Variants in UBE2J1 observed in about 807,000 individuals in gnomAD.
UBE2J1 encodes the protein ubiquitin conjugating enzyme E2 J1.
UBE2J1 carries 17 observed loss-of-function variants against 42.1 expected under a neutral mutation model. The ratio of observed to expected loss-of-function variants is 0.40; its 90% confidence interval spans 0.28 to 0.61. UBE2J1 has a LOEUF of 0.61. Among genes scored for constraint, UBE2J1 ranks in the 20% least tolerant of loss-of-function variants. The probability of loss-of-function intolerance (pLI) is 0.38; values close to 1 mark genes in which losing one functional copy is unlikely to be tolerated. For synonymous variants in UBE2J1, 127 were observed against 137.2 expected (o/e 0.93, Z 0.52); for missense variants, 291 against 389.4 (o/e 0.75, Z 2.13).
At position 89,333,086 on chromosome 6, in the gene UBE2J1, C is replaced by A; in HGVS notation, c.678G>T (p.Ser226=). Residue 226 remains serine (S), a splice_region_variant and synonymous_variant, in exon 7 of 8, where the codon TCG becomes TCT. Transcript: ENST00000435041. The part of the protein sequence containing the change: ...TTFQGATAST[S]YGLQNSSAAS... ...ATATATTAAAAGATAAGAGCCATAC[C>A]GATGTACTGGCCGTAGCACCCTGGA... is the stretch of plus-strand genomic sequence containing the variant. 2.5e-6 allele frequency: 4 copies of A among 1,605,828 alleles called. No homozygotes were observed. Among genetic ancestry groups the A allele is most frequent in the Non-Finnish European group, 3.4e-6 (4 of 1,176,354 alleles).
At chr6:89,349,442 T>C (rs2127874375) in intron 1 of UBE2J1, among the ~76,000 whole-genome samples, 1 of 152,252 alleles carries the variant, frequency 6.6e-6, no homozygotes, top group East Asian at 1.9e-4. Flanking sequence ...ATTAGATATA[T>C]GTGTTTCTGT....
intron 7 of UBE2J1, among the ~76,000 whole-genome samples, chr6:89,332,062 A>C (rs1562410852): frequency 1.3e-5 from 2 of 151,904 alleles, no homozygotes; most frequent in Admixed American, 1.3e-4. Context: ...TGCCCAGCTC[A>C]CTCTCTGAAT....
chr6:89,351,156 A>T (rs1446176094), intron 1 of UBE2J1, among the ~76,000 whole-genome samples: 1 of 126,006 alleles, frequency 7.9e-6, no homozygotes, highest in Non-Finnish European at 1.5e-5. Context: ...ATCTCGGCTC[A>T]CTGCAACCTC....
At chr6:89,344,354 C>A (rs964760197) in intron 1 of UBE2J1, among the ~76,000 whole-genome samples, 1 of 152,212 alleles carries the variant, frequency 6.6e-6, no homozygotes, top group Non-Finnish European at 1.5e-5. Flanking sequence ...AATTCACTGA[C>A]TCTCCAAAGC....
chr6:89,333,345 G>GAGC, intron 6 of UBE2J1, 140 bp from the exon 7 acceptor site: 2 of 928,206 alleles, frequency 2.2e-6, no homozygotes, highest in Non-Finnish European at 3.1e-6. Context: ...GTTAATCACT[G>GAGC]AGCACTCTTG....
chr6:89,342,528 A>G, intron 2 of UBE2J1, 73 bp from the exon 3 acceptor site: 1 of 1,402,944 alleles, frequency 7.1e-7, no homozygotes. Flanking sequence ...AATATTAGAA[A>G]TATTACCAAG....
At chr6:89,336,909 T>C (rs1205845082) in intron 5 of UBE2J1, among the ~76,000 whole-genome samples, 1 of 151,908 alleles carries the variant, frequency 6.6e-6, no homozygotes, top group East Asian at 1.9e-4. Context: ...GGCACAATCA[T>C]GGCTCACTGC....
intron 3 of UBE2J1, 110 bp from the exon 4 acceptor site, chr6:89,338,653 G>GTTTTTTTTTT (rs1486254673): frequency 9.1e-5 from 11 of 120,570 alleles, no homozygotes; most frequent in East Asian, 8.4e-4. Flanking sequence ...ATCTTAAAAA[G>GTTTTTTTTTT]TTTGTTTTTT....
rs1296020992 is a variant in UBE2J1, at chr6:89,352,699, T to C, written c.-130A>G. 6 of 1,088,876 alleles carry C rather than the reference T, an allele frequency of 5.5e-6. No homozygotes were observed. Among genetic ancestry groups the C allele is most frequent in the South Asian group, 1.8e-5 (1 of 55,342 alleles). 67.5% of individuals were successfully genotyped at this position (1,088,876 alleles called of 1,614,324 possible). ...AGGAGCCTCGGCAAATGCCGCCCAG[T>C]CCAGCCTGGACTGCGGGCGGGGTGG... On this transcript the variant is annotated 5_prime_UTR_variant, in exon 1 of 8. Coordinates refer to ENST00000435041, the MANE Select transcript of UBE2J1 (RefSeq NM_016021.3).
chr6:89,337,138 G>A (rs1030953823), intron 5 of UBE2J1, among the ~76,000 whole-genome samples: 3 of 151,840 alleles, frequency 2.0e-5, no homozygotes, highest in Non-Finnish European at 4.4e-5. Context: ...ACCATGCCCG[G>A]CCCAAAATCA....
At position 89,337,141 on chromosome 6, in the gene UBE2J1, C is replaced by A. The variant is rs114478657; in HGVS notation, c.428+1064G>T. ...CAAGTGTGAGCCACCATGCCCGGCC[C>A]AAAATCATTTTTTAAAAGGTTTCTA... On this transcript the variant is annotated intron_variant, in intron 5 of 7. Transcript: ENST00000435041. 8.4e-3 allele frequency among the ~76,000 whole-genome samples: 1,277 copies of A among 151,926 alleles called. 11 individuals are homozygous for A. The highest frequency in any genetic ancestry group is 0.03 in the African/African-American group (1,239 of 41,428).
In UBE2J1 at chr6:89,329,580, A is replaced by C; in HGVS notation, c.*99T>G. The C allele has an allele frequency of 7.6e-7, 1 of 1,307,610 alleles. No homozygotes were observed. The highest frequency in any genetic ancestry group is 1.3e-5 in the South Asian group (1 of 78,146). The allele number at this position is 1,307,610 out of a possible 1,614,324, so 81.0% of individuals were successfully genotyped here. On this transcript the variant is annotated 3_prime_UTR_variant, in exon 8 of 8. Coordinates refer to ENST00000435041, the MANE Select transcript of UBE2J1 (RefSeq NM_016021.3). ...GGATCAAAAAAAGGAATGAAGGGTA[A>C]ATACAAAATAATCTTTTTGTAAACA...
rs922256932 is a variant in UBE2J1, at chr6:89,327,032, A to G, written c.*2647T>C. The G allele has an allele frequency of 8.5e-5, 13 of 152,668 alleles. No individual in the cohort carries two copies. The highest frequency in any genetic ancestry group is 2.9e-4 in the African/African-American group (12 of 41,470). The allele number at this position is 152,668 out of a possible 1,614,324, so 9.5% of individuals were successfully genotyped here. A position where few individuals can be genotyped will look rare whatever the true frequency, so the allele number is the denominator to read the frequency against. On this transcript the variant is annotated 3_prime_UTR_variant, in exon 8 of 8. Coordinates refer to ENST00000435041, the MANE Select transcript of UBE2J1 (RefSeq NM_016021.3). ...ATTCCTATAGTCAAAACAATAAACA[A>G]TTTTTGAAATTAAAAAAGTTGAGAA...
rs1461188733 is a variant in UBE2J1, at chr6:89,347,087, C to G, written c.32-3331G>C. On this transcript the variant is annotated intron_variant, in intron 1 of 7. Coordinates refer to ENST00000435041, the MANE Select transcript of UBE2J1 (RefSeq NM_016021.3). ...AACAAAATCCTTCATTCAAAGAAAG[C>G]TTAATGAGAACCCCAACAGGTGAAA... Among the ~76,000 whole-genome samples, 3 of 152,264 alleles carry G rather than the reference C, an allele frequency of 2.0e-5. No homozygotes were observed. In the East Asian group the frequency reaches 5.8e-4, roughly 29 times the overall value.
chr6:89,343,826 G>A (rs1259002645), intron 1 of UBE2J1, 70 bp from the exon 2 acceptor site: 1 of 1,251,316 alleles, frequency 8.0e-7, no homozygotes, highest in Non-Finnish European at 1.1e-6. Flanking sequence ...AGTCTTACGA[G>A]CCTAATGAAA....
rs953811927 is a variant in UBE2J1, at chr6:89,326,990, A to G, written c.*2689T>C. On this transcript the variant is annotated 3_prime_UTR_variant, in exon 8 of 8. Transcript: ENST00000435041. ...TGACAAAAAGAGTTCTTATTCTCCC[A>G]AAATAGGAAATTTTGTATTCCTATA... 2.0e-5 allele frequency: 3 copies of G among 152,652 alleles called. No individual in the cohort carries two copies. The highest frequency in any genetic ancestry group is 4.4e-5 in the Non-Finnish European group (3 of 68,040). 9.5% of individuals were successfully genotyped at this position (152,652 alleles called of 1,614,324 possible).
intron 1 of UBE2J1, among the ~76,000 whole-genome samples, 172 bp from the exon 2 acceptor site, chr6:89,343,928 T>C (rs1024715740): frequency 6.6e-6 from 1 of 152,150 alleles, no homozygotes; most frequent in South Asian, 2.1e-4. Context: ...AAGGAAACAG[T>C]TGCTAGGCAT....
chr6:89,352,622 A>T lies in UBE2J1; in HGVS notation c.-53T>A. On this transcript the variant is annotated 5_prime_UTR_variant, in exon 1 of 8. Transcript: ENST00000435041. ...CCCGGGCCGCTGCCACCTCCTCTCC[A>T]CGCGGCCGCTGCCCGGGTCTCAGCG... is the stretch of plus-strand genomic sequence containing the variant. The T allele has an allele frequency of 6.6e-7, 1 of 1,515,440 alleles. No homozygotes were observed. Among genetic ancestry groups the T allele is most frequent in the Non-Finnish European group, 8.8e-7 (1 of 1,137,744 alleles). The allele number at this position is 1,515,440 out of a possible 1,614,324, so 93.9% of individuals were successfully genotyped here. A position where few individuals can be genotyped will look rare whatever the true frequency, so the allele number is the denominator to read the frequency against.
At chr6:89,339,006 A>G (rs1768178817) in intron 3 of UBE2J1, among the ~76,000 whole-genome samples, 1 of 152,120 alleles carries the variant, frequency 6.6e-6, no homozygotes, top group Non-Finnish European at 1.5e-5. Flanking sequence ...TGGGACACAG[A>G]TTTTTTGTCC....
Sources: gnomAD v4.1 joint callset for allele counts (sites outside exome capture counted in the v4.1 genomes callset) on GRCh38, gnomAD v4.1.1 for gene constraint, MANE v1.5 for transcripts, NCBI Gene and HGNC (gene_info 2026-07-23, HGNC 2026-07-21) for gene names.